Variants in EFR3A observed in about 807,000 individuals in gnomAD.
EFR3A encodes protein EFR3 homolog A.
Under a neutral mutation model 104.4 loss-of-function variants are expected in EFR3A, and 76 were observed. That is an observed-to-expected ratio of 0.73 (90% CI 0.60 to 0.88). EFR3A has a LOEUF of 0.88. Among genes scored for constraint, EFR3A ranks in the 40% least tolerant of loss-of-function variants. The probability of loss-of-function intolerance (pLI) is 0.00; values close to 1 mark genes in which losing one functional copy is unlikely to be tolerated. For missense variants in EFR3A, 985 were observed against 1,012.5 expected, an observed-to-expected ratio of 0.97 and a Z score of 0.37; for synonymous variants, 330 against 330.0, an observed-to-expected ratio of 1.00 and a Z score of 0.00.
intron 17 of EFR3A, 104 bp from the exon 18 acceptor site, chr8:131,987,471 A>G: frequency 4.8e-6 from 6 of 1,252,258 alleles, no homozygotes; most frequent in Admixed American, 3.1e-5. Flanking sequence ...CATTGTGTTT[A>G]TATTTAGAAT....
At chr8:132,004,586 G>C (rs1821946077) in intron 22 of EFR3A, among the ~76,000 whole-genome samples, 1 of 152,204 alleles carries the variant, frequency 6.6e-6, no homozygotes, top group Non-Finnish European at 1.5e-5. Context: ...TGTTGTGCTA[G>C]ACTTAGGATT....
In EFR3A at chr8:131,985,154, A is replaced by G. The variant is rs765744057; in HGVS notation, c.1869+94A>G. On this transcript the variant is annotated intron_variant, in intron 16 of 22. Coordinates refer to ENST00000254624, the MANE Select transcript of EFR3A (RefSeq NM_015137.6). ...TTATTTTTAACTTTGGTGATTACGT[A>G]TCAAATTAAGGTAATTCTATAAAAA... 456 of 1,262,508 alleles carry G rather than the reference A, an allele frequency of 3.6e-4. 1 individual carries two copies. Among genetic ancestry groups the G allele is most frequent in the Non-Finnish European group, 2.8e-4 (250 of 897,174 alleles). The allele number at this position is 1,262,508 out of a possible 1,614,324, so 78.2% of individuals were successfully genotyped here. A position where few individuals can be genotyped will look rare whatever the true frequency, so the allele number is the denominator to read the frequency against.
chr8:131,910,633 C>T (rs1816471417), intron 1 of EFR3A, among the ~76,000 whole-genome samples: 1 of 152,210 alleles, frequency 6.6e-6, no homozygotes, highest in Non-Finnish European at 1.5e-5. Context: ...CTTTCCCACC[C>T]ACACACACCT....
At chr8:131,936,103 T>C (rs1817866566) in intron 1 of EFR3A, among the ~76,000 whole-genome samples, 1 of 152,098 alleles carries the variant, frequency 6.6e-6, no homozygotes, top group African/African-American at 2.4e-5. Flanking sequence ...TGAGACAGGA[T>C]GGATTGGAAA....
At chr8:131,923,015 A>G (rs1817125064) in intron 1 of EFR3A, among the ~76,000 whole-genome samples, 1 of 152,166 alleles carries the variant, frequency 6.6e-6, no homozygotes, top group Non-Finnish European at 1.5e-5. Context: ...TCTCCGCAGA[A>G]TGAATGGTAT....
At chr8:131,962,468 A>G (rs1000526179) in intron 8 of EFR3A, among the ~76,000 whole-genome samples, 7 of 152,234 alleles carry the variant, frequency 4.6e-5, no homozygotes, top group Non-Finnish European at 4.4e-5. Context: ...AAAGAAGGCT[A>G]TTACATAATG....
chr8:131,985,851 G>A (rs1041898190), intron 16 of EFR3A, among the ~76,000 whole-genome samples: 1 of 152,186 alleles, frequency 6.6e-6, no homozygotes, highest in African/African-American at 2.4e-5. Flanking sequence ...AGCAGGTGGA[G>A]GATGGTGATT....
intron 10 of EFR3A, among the ~76,000 whole-genome samples, chr8:131,971,055 A>T (rs534512950): frequency 6.6e-6 from 1 of 152,134 alleles, no homozygotes; most frequent in Non-Finnish European, 1.5e-5. Context: ...ATCATGGTCT[A>T]TTACCACTAA....
chr8:131,977,205 T>A, intron 12 of EFR3A, 113 bp downstream of exon 12: 1 of 682,432 alleles, frequency 1.5e-6, no homozygotes. Context: ...TGTTTATGGT[T>A]AGTATTTTAT....
rs139995425 is a variant in EFR3A, at chr8:131,982,086, A to G, written c.1576-2053A>G. Among the ~76,000 whole-genome samples, 31 of 152,250 alleles carry G rather than the reference A, an allele frequency of 2.0e-4. No homozygotes were observed. The East Asian group carries it at 5.8e-3, about 28-fold the overall frequency. ...AACAGTATAACCAAAAGCATCCCAC[A>G]TGTTCTGTCTTCTTCATAACTCCAT... On this transcript the variant is annotated intron_variant, in intron 14 of 22. Coordinates refer to ENST00000254624, the MANE Select transcript of EFR3A (RefSeq NM_015137.6).
intron 1 of EFR3A, among the ~76,000 whole-genome samples, chr8:131,930,143 A>G (rs1817514929): frequency 6.6e-6 from 1 of 152,126 alleles, no homozygotes; most frequent in Non-Finnish European, 1.5e-5. Flanking sequence ...CTGAAGGAGA[A>G]ACTCTTAAGA....
chr8:132,011,003 G>A lies in EFR3A; in HGVS notation c.*108G>A, dbSNP rs1822318606. On this transcript the variant is annotated 3_prime_UTR_variant, in exon 23 of 23. Transcript: ENST00000254624. Reference sequence around the variant, plus strand: ...TATTAACATACTTCTTGAAAATAATGATGGAACATATCTTTAACCAAATGT... The same window carrying A: ...TATTAACATACTTCTTGAAAATAATAATGGAACATATCTTTAACCAAATGT... 1.5e-6 allele frequency: 2 copies of A among 1,331,024 alleles called. No individual in the cohort carries two copies. Among genetic ancestry groups the A allele is most frequent in the Non-Finnish European group, 1.9e-6 (2 of 1,026,270 alleles). The allele number at this position is 1,331,024 out of a possible 1,614,324, so 82.5% of individuals were successfully genotyped here.
At chr8:131,939,025 T>C (rs1020903293) in intron 1 of EFR3A, among the ~76,000 whole-genome samples, 22 of 152,156 alleles carry the variant, frequency 1.4e-4, no homozygotes, top group Non-Finnish European at 2.8e-4. Flanking sequence ...AATTATGGGC[T>C]TACAACAAAG....
chr8:131,936,552 G>T (rs1563641741), intron 1 of EFR3A, among the ~76,000 whole-genome samples: 1 of 151,458 alleles, frequency 6.6e-6, no homozygotes, highest in Non-Finnish European at 1.5e-5. Context: ...CTCTGTCTCT[G>T]TCTCTCTCTC....
rs371262160 is a variant in EFR3A at position 131,950,142 on chromosome 8, T to C, written c.488+52T>C. 3.3e-5 allele frequency: 49 copies of C among 1,504,024 alleles called. No homozygotes were observed. In the African/African-American group the frequency reaches 4.9e-4, roughly 15 times the overall value. The allele number at this position is 1,504,024 out of a possible 1,614,324, so 93.2% of individuals were successfully genotyped here. ...ATAGTAAGTAATTTAGAGATTAATA[T>C]TGTGTTCATATGTTACATAATGATT... On this transcript the variant is annotated intron_variant, in intron 5 of 22. Transcript: ENST00000254624.
intron 18 of EFR3A, among the ~76,000 whole-genome samples, chr8:131,993,678 T>A (rs74439118): frequency 1.3e-5 from 2 of 151,874 alleles, no homozygotes; most frequent in East Asian, 3.9e-4. Flanking sequence ...GGAGGATTGC[T>A]TGAAGCCAAG....
chr8:132,011,377 C>A lies in EFR3A; in HGVS notation c.*482C>A. 1.0e-6 allele frequency: 1 copy of A among 986,006 alleles called. No individual in the cohort carries two copies. Among genetic ancestry groups the A allele is most frequent in the Non-Finnish European group, 1.2e-6 (1 of 830,372 alleles). The allele number at this position is 986,006 out of a possible 1,614,324, so 61.1% of individuals were successfully genotyped here. A position where few individuals can be genotyped will look rare whatever the true frequency, so the allele number is the denominator to read the frequency against. Reference sequence around the variant, plus strand: ...CAAAACTGTTCGGTGGCTTTTTGTCCCCATGCTTTAGATAAGCTGGGATAG... The same window carrying A: ...CAAAACTGTTCGGTGGCTTTTTGTCACCATGCTTTAGATAAGCTGGGATAG... On this transcript the variant is annotated 3_prime_UTR_variant, in exon 23 of 23. Transcript: ENST00000254624.
chr8:131,926,646 A>G (rs1204557119), intron 1 of EFR3A, among the ~76,000 whole-genome samples: 5 of 151,938 alleles, frequency 3.3e-5, no homozygotes, highest in African/African-American at 1.2e-4. Flanking sequence ...TTGAGAAAGG[A>G]TCTTGCTCTG....
chr8:132,009,532 A>G (rs1501062), intron 22 of EFR3A, among the ~76,000 whole-genome samples: 74,319 of 151,790 alleles, frequency 0.49, 18,346 homozygotes, highest in Middle Eastern at 0.57. Context: ...GCATATGGGT[A>G]AGTGGAAGAG....
Sources: gnomAD v4.1 joint callset for allele counts (sites outside exome capture counted in the v4.1 genomes callset) on GRCh38, gnomAD v4.1.1 for gene constraint, MANE v1.5 for transcripts, NCBI Gene and HGNC (gene_info 2026-07-23, HGNC 2026-07-21) for gene names.